Variants in PVT1 observed in about 807,000 individuals in gnomAD.
PVT1 encodes Pvt1 oncogene.
intron 4 of PVT1, among the ~76,000 whole-genome samples, chr8:128,001,278 G>A (rs1320919250): frequency 1.3e-5 from 2 of 152,172 alleles, no homozygotes; most frequent in African/African-American, 2.4e-5. Context: ...GTGACGCTTC[G>A]GGTTTTCCAC....
At chr8:127,811,773 G>A (rs1446308831) in intron 2 of PVT1, among the ~76,000 whole-genome samples, 4 of 151,964 alleles carry the variant, frequency 2.6e-5, no homozygotes, top group Non-Finnish European at 4.4e-5. Context: ...GTATCTGGCC[G>A]GTTAACACAG....
chr8:127,858,407 AAAATAAAT>A lies in PVT1; in HGVS notation n.373-32146_373-32139del, dbSNP rs374974740. ...GGGTGACAGAGTGAGACTCTGTCTC[AAAATAAAT>A]AAATAAATAAATAAATAAATAAATA... On this transcript the variant is annotated intron_variant and non_coding_transcript_variant, in intron 2 of 10. Transcript: ENST00000651587. Among the ~76,000 whole-genome samples the A allele has an allele frequency of 1.7e-3, 248 of 141,868 alleles. 1 individual carries two copies. The highest frequency in any genetic ancestry group is 4.8e-3 in the African/African-American group (184 of 37,944). The allele number at this position is 141,868 out of a possible 152,430, so 93.1% of individuals were successfully genotyped here. A position where few individuals can be genotyped will look rare whatever the true frequency, so the allele number is the denominator to read the frequency against.
intron 2 of PVT1, among the ~76,000 whole-genome samples, chr8:127,849,494 G>A (rs1262076676): frequency 6.6e-6 from 1 of 152,164 alleles, no homozygotes; most frequent in Non-Finnish European, 1.5e-5. Context: ...AACTCCTAGG[G>A]CCTTGCCGTT....
intron 3 of PVT1, among the ~76,000 whole-genome samples, chr8:127,937,548 GACACACACAC>G (rs35147410): frequency 8.2e-6 from 1 of 122,632 alleles, no homozygotes; most frequent in Admixed American, 8.5e-5. Flanking sequence ...TAGGGAAAAA[GACACACACAC>G]ACACACACAC....
chr8:128,076,589 G>A (rs989836427), intron 5 of PVT1, among the ~76,000 whole-genome samples: 1 of 152,178 alleles, frequency 6.6e-6, no homozygotes, highest in Non-Finnish European at 1.5e-5. Context: ...TTCCAAAGTT[G>A]TTTAATTCTA....
chr8:127,794,696 C>A, exon 1 of PVT1: 1 of 153,206 alleles, frequency 6.5e-6, no homozygotes, highest in Non-Finnish European at 1.5e-5. Flanking sequence ...TGTTGGCGGT[C>A]CCTGTGACCT....
At chr8:127,970,005 GA>G (rs1816745102) in intron 3 of PVT1, among the ~76,000 whole-genome samples, 2 of 152,202 alleles carry the variant, frequency 1.3e-5, no homozygotes, top group Non-Finnish European at 2.9e-5. Context: ...TTTCTTCCCA[GA>G]AAAGAAGACA....
chr8:127,962,070 G>A (rs1422618631), intron 3 of PVT1, among the ~76,000 whole-genome samples: 2 of 152,238 alleles, frequency 1.3e-5, no homozygotes, highest in African/African-American at 4.8e-5. Flanking sequence ...CGCCTCTGGG[G>A]TTCAAGCGAT....
At chr8:127,845,776 CAG>C (rs1377716892) in intron 2 of PVT1, among the ~76,000 whole-genome samples, 1 of 152,186 alleles carries the variant, frequency 6.6e-6, no homozygotes, top group African/African-American at 2.4e-5. Flanking sequence ...AATTGCAGAA[CAG>C]AGTGTCCTGT....
intron 3 of PVT1, among the ~76,000 whole-genome samples, chr8:127,896,786 C>G (rs1175783697): frequency 7.3e-6 from 1 of 136,254 alleles, no homozygotes; most frequent in Non-Finnish European, 1.6e-5. Flanking sequence ...CCCCCCCCCG[C>G]CCCCGACCCA....
At chr8:127,794,648 C>A (rs950399593) in exon 1 of PVT1, 4 of 152,798 alleles carry the variant, frequency 2.6e-5, no homozygotes, top group African/African-American at 9.6e-5. Flanking sequence ...TGCCCCGGGA[C>A]CCCCGGCACC....
intron 4 of PVT1, among the ~76,000 whole-genome samples, chr8:128,020,236 A>T (rs189828820): frequency 6.6e-6 from 1 of 152,352 alleles, no homozygotes; most frequent in Admixed American, 6.5e-5. Flanking sequence ...TGTTATGCCT[A>T]TGAATGAATA....
chr8:127,896,285 C>T (rs1402290890), intron 3 of PVT1, among the ~76,000 whole-genome samples: 1 of 152,026 alleles, frequency 6.6e-6, no homozygotes, highest in African/African-American at 2.4e-5. Flanking sequence ...GGAGTGGTCT[C>T]GGTGACAGTT....
intron 4 of PVT1, among the ~76,000 whole-genome samples, chr8:128,051,172 A>T (rs1813690362): frequency 6.6e-6 from 1 of 152,110 alleles, no homozygotes; most frequent in Non-Finnish European, 1.5e-5. Context: ...TTCACACTGG[A>T]GTTGTAAGGA....
At chr8:127,982,655 T>TTAAG (rs1311847460) in intron 3 of PVT1, among the ~76,000 whole-genome samples, 1 of 143,470 alleles carries the variant, frequency 7.0e-6, no homozygotes, top group Non-Finnish European at 1.5e-5. Context: ...ACAAAAATAA[T>TTAAG]TAATTAATTA....
chr8:127,993,062 A>G (rs1216605226), intron 4 of PVT1, among the ~76,000 whole-genome samples: 1 of 152,144 alleles, frequency 6.6e-6, no homozygotes, highest in Non-Finnish European at 1.5e-5. Context: ...GTATTGGCCC[A>G]TTTCTCTATT....
chr8:127,921,589 A>G (rs765902148), intron 3 of PVT1, among the ~76,000 whole-genome samples: 4 of 152,070 alleles, frequency 2.6e-5, no homozygotes, highest in Non-Finnish European at 5.9e-5. Flanking sequence ...AGGAGGGAGG[A>G]TCATTTGAGG....
chr8:127,805,476 C>G (rs1814516344), intron 2 of PVT1, among the ~76,000 whole-genome samples: 1 of 152,064 alleles, frequency 6.6e-6, no homozygotes, highest in Admixed American at 6.6e-5. Flanking sequence ...GCTGAATTTG[C>G]TGCTTTCTGG....
At chr8:127,964,303 A>C (rs1816680174) in intron 3 of PVT1, among the ~76,000 whole-genome samples, 1 of 152,226 alleles carries the variant, frequency 6.6e-6, no homozygotes. Flanking sequence ...CTGGTTCAGA[A>C]ATAGTTCCTG....
Sources: allele counts gnomAD v4.1 joint callset (sites outside exome capture counted in the v4.1 genomes callset), GRCh38; gene constraint gnomAD v4.1.1; transcripts MANE v1.5; gene names NCBI Gene and HGNC (gene_info 2026-07-23, HGNC 2026-07-21).